COPG2: variants seen among roughly 807,000 people sequenced by gnomAD.
COPG2 encodes the protein coat protein complex I subunit gamma 2.
In COPG2, 37 loss-of-function variants were observed where a neutral mutation model predicts 46.3. The observed-to-expected ratio is 0.80, with a 90% CI of 0.61 to 1.05. The LOEUF (loss-of-function observed/expected upper bound fraction) is 1.05. Among genes scored for constraint, COPG2 ranks in the 50% least tolerant of loss-of-function variants. The pLI, the probability that COPG2 is intolerant of heterozygous loss-of-function variation, is 0.00. For missense variants in COPG2, 427 were observed against 387.8 expected (o/e 1.10, Z -0.85); for synonymous variants, 159 against 129.7 (o/e 1.23, Z -1.53).
chr7:130,612,521 G>A (rs571410136), intron 7 of COPG2, among the ~76,000 whole-genome samples: 1 of 152,032 alleles, frequency 6.6e-6, no homozygotes, highest in Non-Finnish European at 1.5e-5. Context: ...TCAACAGAAC[G>A]GTGCTTAAAT....
chr7:130,596,155 A>C (rs1794523667), intron 9 of COPG2, among the ~76,000 whole-genome samples: 1 of 152,220 alleles, frequency 6.6e-6, no homozygotes, highest in Non-Finnish European at 1.5e-5. Flanking sequence ...ACAGCTGCCA[A>C]GGAGCATTAT....
chr7:130,536,552 T>A (rs1295576550), intron 20 of COPG2, among the ~76,000 whole-genome samples: 1 of 152,174 alleles, frequency 6.6e-6, no homozygotes, highest in Non-Finnish European at 1.5e-5. Context: ...CTGATAGGCT[T>A]CCTCGGGGTC....
chr7:130,549,598 TAG>T (rs1793503771), intron 17 of COPG2, among the ~76,000 whole-genome samples: 4 of 152,270 alleles, frequency 2.6e-5, no homozygotes, highest in Admixed American at 2.6e-4. Context: ...CCTAAAAATA[TAG>T]AGTTTGCTTT....
At chr7:130,519,823 T>C (rs1400552663) in intron 20 of COPG2, among the ~76,000 whole-genome samples, 2 of 152,104 alleles carry the variant, frequency 1.3e-5, no homozygotes. Context: ...AAGTATAAAT[T>C]AAAGAAACAG....
chr7:130,508,343 G>A (rs2116324561), intron 21 of COPG2: 2 of 428,836 alleles, frequency 4.7e-6, no homozygotes, highest in South Asian at 6.1e-5. Context: ...GGGTGAGTTT[G>A]TTTTAATGAT....
intron 7 of COPG2, among the ~76,000 whole-genome samples, chr7:130,612,850 A>G (rs1271360290): frequency 1.3e-5 from 2 of 152,134 alleles, no homozygotes; most frequent in Non-Finnish European, 2.9e-5. Flanking sequence ...GCACCAGAAA[A>G]AGCAGAGGAC....
At chr7:130,668,372 C>T (rs1584625356) in intron 1 of COPG2, among the ~76,000 whole-genome samples, 1 of 149,954 alleles carries the variant, frequency 6.7e-6, no homozygotes, top group Non-Finnish European at 1.5e-5. Flanking sequence ...AGGGGCTGCG[C>T]CGCAAGAGGG....
chr7:130,608,796 T>C (rs868920154), intron 9 of COPG2, among the ~76,000 whole-genome samples: 2 of 152,116 alleles, frequency 1.3e-5, no homozygotes, highest in African/African-American at 4.8e-5. Context: ...TATATATGAC[T>C]AGGTTATGAT....
At chr7:130,612,636 G>A (rs1413283205) in intron 7 of COPG2, among the ~76,000 whole-genome samples, 3 of 152,112 alleles carry the variant, frequency 2.0e-5, no homozygotes, top group Non-Finnish European at 2.9e-5. Flanking sequence ...CCAGAATCAG[G>A]AACTCTTGTA....
At chr7:130,592,436 C>A (rs1794449872) in intron 9 of COPG2, among the ~76,000 whole-genome samples, 1 of 145,344 alleles carries the variant, frequency 6.9e-6, no homozygotes, top group Admixed American at 6.8e-5. Flanking sequence ...CAAGGTAGTA[C>A]AAAACTAGAA....
intron 9 of COPG2, among the ~76,000 whole-genome samples, chr7:130,574,135 T>C (rs1038757354): frequency 4.4e-4 from 67 of 152,168 alleles, no homozygotes; most frequent in Non-Finnish European, 8.7e-4. Context: ...GCCCATCAAT[T>C]AATGAACAAG....
At chr7:130,531,926 G>A (rs1799830260) in intron 20 of COPG2, among the ~76,000 whole-genome samples, 2 of 152,122 alleles carry the variant, frequency 1.3e-5, no homozygotes, top group African/African-American at 4.8e-5. Context: ...GCAGTGTTCA[G>A]CTCAGAAAAA....
intron 20 of COPG2, among the ~76,000 whole-genome samples, chr7:130,514,450 G>T (rs1267096584): frequency 6.6e-6 from 1 of 152,158 alleles, no homozygotes; most frequent in Non-Finnish European, 1.5e-5. Context: ...TGTAAGTGCG[G>T]TATTAAAGTT....
chr7:130,513,377 G>A (rs868950497), intron 20 of COPG2, among the ~76,000 whole-genome samples: 298 of 76,654 alleles, frequency 3.9e-3, no homozygotes, highest in African/African-American at 0.012. Flanking sequence ...ATATATATAT[G>A]TGTGTGTGTG....
At chr7:130,607,430 T>A (rs1400714705) in intron 9 of COPG2, 9 of 435,098 alleles carry the variant, frequency 2.1e-5, no homozygotes, top group South Asian at 6.9e-5. Flanking sequence ...TCTGGCAATT[T>A]TTACCATCTA....
intron 9 of COPG2, among the ~76,000 whole-genome samples, chr7:130,586,516 G>A (rs1379662309): frequency 2.0e-5 from 3 of 152,020 alleles, no homozygotes; most frequent in Non-Finnish European, 2.9e-5. Context: ...AGGCAGGAAT[G>A]CAGTGGCGCT....
chr7:130,535,398 C>G (rs1799868618), intron 20 of COPG2, among the ~76,000 whole-genome samples: 1 of 151,666 alleles, frequency 6.6e-6, no homozygotes, highest in Non-Finnish European at 1.5e-5. Flanking sequence ...CTGGGCAGGA[C>G]AGCCATAAGC....
intron 4 of COPG2, among the ~76,000 whole-genome samples, chr7:130,661,902 C>T (rs549930047): frequency 6.6e-6 from 1 of 152,272 alleles, no homozygotes; most frequent in South Asian, 2.1e-4. Flanking sequence ...TATCATGTGG[C>T]TACAGGGCTG....
chr7:130,631,599 A>C (rs1186512416), intron 5 of COPG2, among the ~76,000 whole-genome samples: 6 of 152,132 alleles, frequency 3.9e-5, no homozygotes, highest in African/African-American at 1.4e-4. Flanking sequence ...GTAAATCTTT[A>C]ACCTATTAGA....
Sources: gnomAD v4.1 joint callset for allele counts (sites outside exome capture counted in the v4.1 genomes callset) on GRCh38, gnomAD v4.1.1 for gene constraint, MANE v1.5 for transcripts, NCBI Gene and HGNC (gene_info 2026-07-23, HGNC 2026-07-21) for gene names.